The following G2E3 variants were observed in gnomAD, a reference collection of about 807,000 sequenced individuals.
G2E3 encodes G2/M phase-specific E3 ubiquitin-protein ligase.
Under a neutral mutation model 92.8 loss-of-function variants are expected in G2E3, and 35 were observed. The observed-to-expected ratio is 0.38, with a 90% CI of 0.29 to 0.50. The LOEUF is 0.50. G2E3 is among the 20% of genes least tolerant of loss of function. The probability of loss-of-function intolerance (pLI) is 0.94; values close to 1 mark genes in which losing one functional copy is unlikely to be tolerated. For missense variants in G2E3, 554 were observed against 823.8 expected, an observed-to-expected ratio of 0.67 and a Z score of 4.01; for synonymous variants, 242 against 272.4, an observed-to-expected ratio of 0.89 and a Z score of 1.10.
intron 13 of G2E3, among the ~76,000 whole-genome samples, chr14:30,614,158 C>T (rs1882212051): frequency 6.6e-6 from 1 of 151,918 alleles, no homozygotes; most frequent in Non-Finnish European, 1.5e-5. Flanking sequence ...ACCATTCAAC[C>T]CTTTATGAAG....
chr14:30,598,569 A>G lies in G2E3; in HGVS notation c.722A>G (p.Lys241Arg). The G allele has an allele frequency of 6.2e-7, 1 of 1,612,544 alleles. No individual in the cohort carries two copies. Among genetic ancestry groups the G allele is most frequent in the Non-Finnish European group, 8.5e-7 (1 of 1,178,508 alleles). ...TGTGATGTTCGAAGATGTCGTTGCA[A>G]AGAAGGGCGAGACTATAATGCACCT... is the stretch of plus-strand genomic sequence containing the variant. ...ERCDVRRCRC[K>R]EGRDYNAPDS... Residue 241 changes from lysine (K) to arginine (R), a missense_variant, in exon 8 of 15, where the codon AAA becomes AGA. By Grantham distance (26) the Lys-to-Arg change is conservative. This residue lies in a region of G2E3 where 397 missense variants were observed against 560.3 expected (regional missense o/e 0.71). Transcript: ENST00000206595.
rs1881104287 is a variant in G2E3 at position 30,593,174 on chromosome 14, A to G, written c.363-300A>G. 1.3e-5 allele frequency among the ~76,000 whole-genome samples: 2 copies of G among 152,190 alleles called. 1 individual carries two copies. The highest frequency in any genetic ancestry group is 4.1e-4 in the South Asian group (2 of 4,832). On this transcript the variant is annotated intron_variant, in intron 5 of 14. Transcript: ENST00000206595. ...CACAACGTATGCACCCATTTGTTGA[A>G]TACAATAATGTATATACTGTATTGC...
intron 11 of G2E3, 63 bp from the exon 12 acceptor site, chr14:30,607,823 TAA>T: frequency 1.2e-6 from 1 of 833,730 alleles, no homozygotes; most frequent in South Asian, 1.9e-5. Context: ...ATTTTTAATA[TAA>T]AAAATGATGG....
At chr14:30,582,400 C>T (rs1419587297) in intron 2 of G2E3, among the ~76,000 whole-genome samples, 1 of 151,988 alleles carries the variant, frequency 6.6e-6, no homozygotes, top group Non-Finnish European at 1.5e-5. Context: ...GAAACCTAGT[C>T]TGTTCTGCAT....
At chr14:30,565,834 T>G (rs1210806697) in intron 1 of G2E3, among the ~76,000 whole-genome samples, 2 of 151,784 alleles carry the variant, frequency 1.3e-5, no homozygotes, top group African/African-American at 4.8e-5. Context: ...GCTAATTTTT[T>G]TGTATTTTTA....
chr14:30,579,030 G>T (rs1364609779), intron 1 of G2E3, among the ~76,000 whole-genome samples: 1 of 152,116 alleles, frequency 6.6e-6, no homozygotes, highest in Non-Finnish European at 1.5e-5. Context: ...TTAAAATGAT[G>T]TTCTATAGAT....
intron 1 of G2E3, among the ~76,000 whole-genome samples, chr14:30,569,030 C>T (rs1168980609): frequency 6.6e-6 from 1 of 152,126 alleles, no homozygotes; most frequent in Non-Finnish European, 1.5e-5. Flanking sequence ...TCTTGTCTGT[C>T]TCCTGGATGA....
At chr14:30,577,025 G>C (rs1269702467) in intron 1 of G2E3, among the ~76,000 whole-genome samples, 2 of 151,944 alleles carry the variant, frequency 1.3e-5, no homozygotes, top group Non-Finnish European at 2.9e-5. Context: ...AAGAGATTAA[G>C]ACCATCCTGG....
intron 1 of G2E3, among the ~76,000 whole-genome samples, chr14:30,569,969 A>G (rs576358860): frequency 6.6e-6 from 1 of 152,094 alleles, no homozygotes; most frequent in Non-Finnish European, 1.5e-5. Context: ...TTATAATATC[A>G]CCACCTCTGT....
intron 13 of G2E3, among the ~76,000 whole-genome samples, chr14:30,613,095 GTT>G (rs1161910656): frequency 6.6e-6 from 1 of 151,898 alleles, no homozygotes; most frequent in Admixed American, 6.6e-5. Context: ...CTGTCCTTTA[GTT>G]TAGAACACTG....
Position 30,617,391 on chromosome 14 carries a change from T to C in G2E3, c.*857T>C, listed in dbSNP as rs1882362152. 1 of 151,918 alleles carries C rather than the reference T, an allele frequency of 6.6e-6. No individual in the cohort carries two copies. Among genetic ancestry groups the C allele is most frequent in the African/African-American group, 2.4e-5 (1 of 41,272 alleles). 9.4% of individuals were successfully genotyped at this position (151,918 alleles called of 1,614,324 possible). On this transcript the variant is annotated 3_prime_UTR_variant, in exon 15 of 15. Coordinates refer to ENST00000206595, the MANE Select transcript of G2E3 (RefSeq NM_017769.5). ...TTCTTTAAAGCCTTGGCTTTAATCA[T>C]GGGAAATTGTTGTTGTTGTTGTTGT...
chr14:30,592,358 TG>T lies in G2E3; in HGVS notation c.275del (p.Gly92AspfsTer41), dbSNP rs1881058991. On this transcript the variant is annotated frameshift_variant, in exon 5 of 15. Coordinates refer to ENST00000206595, the MANE Select transcript of G2E3 (RefSeq NM_017769.5). LOFTEE classifies it high-confidence loss of function. ...TTTGCAAGAAAAATGGTGCTTCAAT[TG>T]GATGTGTTGCACCCCGATGTAAACG... ...CVCKKNGASI[G>X]CVAPRCKRSY... The T allele has an allele frequency of 6.2e-7, 1 of 1,612,092 alleles. No individual in the cohort carries two copies. Among genetic ancestry groups the T allele is most frequent in the Admixed American group, 1.7e-5 (1 of 59,866 alleles).
chr14:30,574,609 TG>T (rs1002286681), intron 1 of G2E3: 3 of 152,132 alleles, frequency 2.0e-5, no homozygotes, highest in Admixed American at 2.0e-4. Context: ...CAGTGTCTCT[TG>T]TTTCCTTCTT....
chr14:30,589,369 G>C lies in G2E3; in HGVS notation c.136-14G>C. ...TTCTTAGAGTTTATTTTCTAATTGA[G>C]AATATATTCATAGTTGATGTCAAGT... On this transcript the variant is annotated splice_polypyrimidine_tract_variant and intron_variant, in intron 3 of 14. Transcript: ENST00000206595. 7.1e-7 allele frequency: 1 copy of C among 1,417,200 alleles called. No homozygotes were observed. The highest frequency in any genetic ancestry group is 1.0e-6 in the Non-Finnish European group (1 of 1,003,532). The allele number at this position is 1,417,200 out of a possible 1,614,324, so 87.8% of individuals were successfully genotyped here.
At chr14:30,593,726 G>A (rs1881134113) in intron 6 of G2E3, 87 bp downstream of exon 6, 3 of 892,912 alleles carry the variant, frequency 3.4e-6, no homozygotes, top group Admixed American at 2.4e-5. Context: ...GAATTGACGT[G>A]TATATTACCT....
intron 13 of G2E3, among the ~76,000 whole-genome samples, chr14:30,613,697 TG>T (rs1484059742): frequency 1.3e-5 from 2 of 150,916 alleles, no homozygotes; most frequent in South Asian, 2.1e-4. Context: ...TAATCTATTT[TG>T]TTTTTTTTTT....
chr14:30,562,117 A>G (rs1466965278), intron 1 of G2E3, among the ~76,000 whole-genome samples: 2 of 152,162 alleles, frequency 1.3e-5, no homozygotes, highest in Admixed American at 6.5e-5. Context: ...CTGAGGCACC[A>G]AAAGATTTAG....
At chr14:30,570,988 A>T (rs1165409585) in intron 1 of G2E3, among the ~76,000 whole-genome samples, 1 of 152,058 alleles carries the variant, frequency 6.6e-6, no homozygotes, top group East Asian at 1.9e-4. Context: ...AGTACAGTTT[A>T]TCTTTTTTTG....
chr14:30,565,189 G>C (rs1879355877), intron 1 of G2E3, among the ~76,000 whole-genome samples: 1 of 152,148 alleles, frequency 6.6e-6, no homozygotes, highest in Non-Finnish European at 1.5e-5. Flanking sequence ...ACATGAAGTG[G>C]TGTCTCATTG....
Sources: gnomAD v4.1 joint callset for allele counts (sites outside exome capture counted in the v4.1 genomes callset) on GRCh38, gnomAD v4.1.1 for gene constraint, gnomAD v4.1.1 regional missense constraint, MANE v1.5 for transcripts, NCBI Gene and HGNC (gene_info 2026-07-23, HGNC 2026-07-21) for gene names.